The following ANKRD11 variants were observed in gnomAD, a reference collection of about 807,000 sequenced individuals.
The protein encoded by ANKRD11 is ankyrin repeat domain-containing protein 11.
ANKRD11 carries 17 observed loss-of-function variants against 195.7 expected under a neutral mutation model. The ratio of observed to expected loss-of-function variants is 0.09; its 90% CI spans 0.06 to 0.13. The LOEUF (loss-of-function observed/expected upper bound fraction) is 0.13. Among genes scored for constraint, ANKRD11 ranks in the 10% least tolerant of loss-of-function variants. The probability of loss-of-function intolerance (pLI) is 1.00; values close to 1 mark genes in which losing one functional copy is unlikely to be tolerated. For missense variants in ANKRD11, 3,735 were observed against 3,566.1 expected (o/e 1.05, Z -1.21); for synonymous variants, 1,953 against 1,528.1 (o/e 1.28, Z -6.49).
chr16:89,308,431 C>G (rs1026985257), intron 3 of ANKRD11, among the ~76,000 whole-genome samples: 3 of 152,202 alleles, frequency 2.0e-5, no homozygotes, highest in African/African-American at 7.2e-5. Flanking sequence ...GGTCCACGGT[C>G]AAGGCAAGAC....
chr16:89,407,949 A>G (rs530892501), intron 2 of ANKRD11, among the ~76,000 whole-genome samples: 74 of 152,270 alleles, frequency 4.9e-4, no homozygotes, highest in Non-Finnish European at 4.1e-4. Flanking sequence ...AGCCAAACTG[A>G]TAAGTTTTTA....
At chr16:89,459,526 T>C (rs770624519) in intron 1 of ANKRD11, 1 of 152,200 alleles carries the variant, frequency 6.6e-6, no homozygotes, top group African/African-American at 2.4e-5. Flanking sequence ...CAACCTTAAG[T>C]GAATTTGTGG....
At chr16:89,439,885 T>G (rs1433532360) in intron 1 of ANKRD11, among the ~76,000 whole-genome samples, 1 of 152,204 alleles carries the variant, frequency 6.6e-6, no homozygotes, top group Non-Finnish European at 1.5e-5. Context: ...TGACCTAGAC[T>G]GATGGGCGGC....
At chr16:89,278,422 T>G (rs1474019380) in intron 9 of ANKRD11, 2 of 421,794 alleles carry the variant, frequency 4.7e-6, no homozygotes, top group Admixed American at 5.0e-5. Context: ...GAGGGATCTA[T>G]TTTGGGCCCA....
At position 89,283,764 on chromosome 16, in the gene ANKRD11, C is replaced by T; in HGVS notation, c.2778G>A (p.Lys926=). ...NSEKRKEQTE[K]HKSVPGYLSE... ...AAAGGTAGCCAGGGACACTTTTATG[C>T]TTTTCGGTCTGCTCTTTCCTCTTCT... The change falls in exon 9 of 13, where the codon AAG becomes AAA. Residue 926 remains lysine, a synonymous_variant. Transcript: ENST00000301030. This position sits in a 1 kb window ranked among gnomAD's most constrained non-coding sequence, Gnocchi z 4.3. The T allele has an allele frequency of 3.1e-6, 5 of 1,613,554 alleles. No individual in the cohort carries two copies. Among genetic ancestry groups the T allele is most frequent in the Non-Finnish European group, 3.4e-6 (4 of 1,179,716 alleles).
chr16:89,311,887 G>A (rs1014672252), intron 3 of ANKRD11, among the ~76,000 whole-genome samples: 3 of 152,094 alleles, frequency 2.0e-5, no homozygotes, highest in African/African-American at 7.2e-5. Context: ...GGAACACAGG[G>A]AAGGACTTCC....
chr16:89,455,999 G>C (rs1232227489), intron 1 of ANKRD11, among the ~76,000 whole-genome samples: 4 of 152,050 alleles, frequency 2.6e-5, no homozygotes, highest in African/African-American at 9.7e-5. Flanking sequence ...GCACTTTTGA[G>C]AGGCTGAAGC....
intron 2 of ANKRD11, among the ~76,000 whole-genome samples, chr16:89,353,488 A>T (rs886954762): frequency 2.0e-5 from 3 of 151,456 alleles, no homozygotes; most frequent in Non-Finnish European, 1.5e-5. Context: ...TCACTTTTTC[A>T]TTTTTTTGAG....
chr16:89,371,488 C>T (rs768482814), intron 2 of ANKRD11, among the ~76,000 whole-genome samples: 9 of 152,136 alleles, frequency 5.9e-5, no homozygotes, highest in Non-Finnish European at 1.0e-4. Flanking sequence ...CTCTGGTGCC[C>T]AGGCTATGTG....
chr16:89,290,763 A>G lies in ANKRD11; in HGVS notation c.463T>C (p.Ser155Pro). 6.2e-7 allele frequency: 1 copy of G among 1,613,916 alleles called. No homozygotes were observed. ...TTGTTCACTTTATCTTTGGTTTTTG[A>G]GGCAGAGTTGGGCGTTCCCTTCTGA... ...VCQKGTPNSASKTKDKVNKRN... is the reference protein window; with the variant it reads ...VCQKGTPNSAPKTKDKVNKRN... The change falls in exon 6 of 13, where the codon TCA (serine) becomes CCA (proline). Residue 155 changes from serine (S) to proline (P), a missense_variant. Transcript: ENST00000301030.
intron 12 of ANKRD11, chr16:89,270,542 T>C: frequency 2.0e-6 from 1 of 497,388 alleles, no homozygotes; most frequent in Non-Finnish European, 3.7e-6. Flanking sequence ...TCCCAGGAGT[T>C]CTGACCATCA....
chr16:89,394,400 G>A (rs185510064), intron 2 of ANKRD11, among the ~76,000 whole-genome samples: 53 of 152,322 alleles, frequency 3.5e-4, no homozygotes, highest in African/African-American at 1.1e-3. Flanking sequence ...AGGCCAAGGC[G>A]GGCAGATCAC....
chr16:89,353,285 T>A (rs1472577749), intron 2 of ANKRD11, among the ~76,000 whole-genome samples: 4 of 149,600 alleles, frequency 2.7e-5, no homozygotes, highest in Non-Finnish European at 4.4e-5. Context: ...GAGGTTGCAG[T>A]GAGCCAAGAT....
intron 2 of ANKRD11, among the ~76,000 whole-genome samples, chr16:89,337,209 C>T (rs2038408585): frequency 6.6e-6 from 1 of 151,346 alleles, no homozygotes; most frequent in South Asian, 2.1e-4. Context: ...CAAAAAACTG[C>T]AAATTAAAAC....
intron 2 of ANKRD11, among the ~76,000 whole-genome samples, chr16:89,358,374 G>A (rs2039582395): frequency 6.6e-6 from 1 of 152,236 alleles, no homozygotes; most frequent in Non-Finnish European, 1.5e-5. Flanking sequence ...TTGCAAACAT[G>A]CACAGCTTAG....
intron 1 of ANKRD11, among the ~76,000 whole-genome samples, chr16:89,428,721 C>G (rs2042838024): frequency 6.6e-6 from 1 of 151,532 alleles, no homozygotes; most frequent in African/African-American, 2.4e-5. Context: ...TAGTGAAACC[C>G]CGTCTCCACT....
intron 2 of ANKRD11, among the ~76,000 whole-genome samples, chr16:89,366,678 A>G (rs1466789028): frequency 6.6e-6 from 1 of 152,184 alleles, no homozygotes; most frequent in Non-Finnish European, 1.5e-5. Context: ...GTGCTGAGAC[A>G]TGTCTAGACA....
chr16:89,347,795 A>C (rs1351999153), intron 2 of ANKRD11, among the ~76,000 whole-genome samples: 2 of 152,046 alleles, frequency 1.3e-5, no homozygotes, highest in East Asian at 3.8e-4. Context: ...CATCTCCAAC[A>C]TTAGGAAAAA....
Position 89,388,293 on chromosome 16 carries a change from ATTTTTTT to A in ANKRD11, c.-60+29984_-60+29990del, listed in dbSNP as rs71134215. Reference sequence around the variant, plus strand: ...GTGCTCTCTTCTCTCCATGAGGCTGATTTTTTTTTTTTTTTTTTTTTTGAGACGGAGT... The same window carrying A: ...GTGCTCTCTTCTCTCCATGAGGCTGATTTTTTTTTTTTTTTGAGACGGAGT... On this transcript the variant is annotated intron_variant, in intron 2 of 12. Transcript: ENST00000301030. Among the ~76,000 whole-genome samples the A allele has an allele frequency of 2.4e-3, 202 of 85,300 alleles. 1 individual carries two copies. Among genetic ancestry groups the A allele is most frequent in the Middle Eastern group, 0.03 (2 of 66 alleles). 56.0% of individuals were successfully genotyped at this position (85,300 alleles called of 152,430 possible).
Sources: allele counts gnomAD v4.1 joint callset (sites outside exome capture counted in the v4.1 genomes callset), GRCh38; gene constraint gnomAD v4.1.1; non-coding constraint Gnocchi (gnomAD v3.1); transcripts MANE v1.5; gene names NCBI Gene and HGNC (gene_info 2026-07-23, HGNC 2026-07-21).